Variants in CISD2 observed in about 807,000 individuals in gnomAD.
The protein encoded by CISD2 is CDGSH iron sulfur domain 2.
CISD2 carries 1 observed loss-of-function variant against 12.9 expected under a neutral mutation model. The observed-to-expected ratio is 0.08, with a 90% confidence interval of 0.03 to 0.37. The LOEUF is 0.37. Ranked by LOEUF, CISD2 falls within the 10% of genes least tolerant of loss-of-function variation. The pLI is 0.99. For synonymous variants in CISD2, 50 were observed against 60.6 expected (o/e 0.83, Z 0.81); for missense variants, 97 against 163.1 (o/e 0.59, Z 2.21).
intron 1 of CISD2, among the ~76,000 whole-genome samples, chr4:102,873,463 C>T (rs763902821): frequency 8.6e-5 from 13 of 151,624 alleles, no homozygotes; most frequent in Non-Finnish European, 1.8e-4. Flanking sequence ...ATTTTAGAGA[C>T]GGGGTTTTGC....
intron 1 of CISD2, among the ~76,000 whole-genome samples, chr4:102,884,595 A>G (rs1002250742): frequency 2.0e-5 from 3 of 152,230 alleles, no homozygotes; most frequent in South Asian, 4.1e-4. Context: ...CCCTTAAGAC[A>G]GGCTAGGTAC....
rs1426985286 is a variant in CISD2 at position 102,885,331 on chromosome 4, T to C, written c.219T>C (p.Leu73=). The C allele has an allele frequency of 6.2e-7, 1 of 1,614,040 alleles. No individual in the cohort carries two copies. Among genetic ancestry groups the C allele is most frequent in the Admixed American group, 1.7e-5 (1 of 60,014 alleles). ...AACAGAAGGATAGCTTGATTAATCT[T>C]AAAATACAAAAGGAAAATCCGAAAG... ...KKQQKDSLIN[L]KIQKENPKVV... is the part of the protein sequence containing the mutation. Residue 73 remains leucine, a synonymous_variant, in exon 2 of 3, where the codon CTT becomes CTC. Transcript: ENST00000273986.
Position 102,869,274 on chromosome 4 carries a change from G to C in CISD2, c.103+87G>C. 4 of 1,511,994 alleles carry C rather than the reference G, an allele frequency of 2.6e-6. No individual in the cohort carries two copies. In the Middle Eastern group the frequency reaches 5.1e-4, roughly 191 times the overall value. 93.7% of individuals were successfully genotyped at this position (1,511,994 alleles called of 1,614,324 possible). A position where few individuals can be genotyped will look rare whatever the true frequency, so the allele number is the denominator to read the frequency against. ...GTAAAAATCCTAGGGCCAAGGGGCGGGACGGAGCTCGGCGCCTGGCACGTG... is the reference window on the plus strand; with the variant it reads ...GTAAAAATCCTAGGGCCAAGGGGCGCGACGGAGCTCGGCGCCTGGCACGTG... On this transcript the variant is annotated intron_variant, in intron 1 of 2. Transcript: ENST00000273986.
intron 1 of CISD2, among the ~76,000 whole-genome samples, chr4:102,872,224 A>G (rs1733473436): frequency 6.6e-6 from 1 of 152,032 alleles, no homozygotes; most frequent in Non-Finnish European, 1.5e-5. Context: ...ATGTGCCACC[A>G]TGCCTGGCTA....
At chr4:102,872,687 A>T (rs572630600) in intron 1 of CISD2, among the ~76,000 whole-genome samples, 1 of 146,812 alleles carries the variant, frequency 6.8e-6, no homozygotes, top group African/African-American at 2.7e-5. Flanking sequence ...AGCTATTATT[A>T]AAAAATGTTT....
chr4:102,881,186 T>C (rs1290319441), intron 1 of CISD2, among the ~76,000 whole-genome samples: 3 of 152,110 alleles, frequency 2.0e-5, no homozygotes, highest in East Asian at 1.9e-4. Context: ...TCAGCCTTAA[T>C]TGACAGAGAA....
In CISD2 at chr4:102,888,931, A is replaced by G. The variant is rs2110406341; in HGVS notation, c.*1501A>G. 1 of 152,378 alleles carries G rather than the reference A, an allele frequency of 6.6e-6. No homozygotes were observed. The highest frequency in any genetic ancestry group is 6.5e-5 in the Admixed American group (1 of 15,300). 9.4% of individuals were successfully genotyped at this position (152,378 alleles called of 1,614,324 possible). Reference sequence around the variant, plus strand: ...CTTTAGTCTATTTAAGATACAGTTTATTCAGTTCACTTTGCTTTCTTTTTA... The same window carrying G: ...CTTTAGTCTATTTAAGATACAGTTTGTTCAGTTCACTTTGCTTTCTTTTTA... On this transcript the variant is annotated 3_prime_UTR_variant, in exon 3 of 3. Transcript: ENST00000273986.
intron 1 of CISD2, among the ~76,000 whole-genome samples, chr4:102,881,285 T>C (rs1578312898): frequency 1.3e-5 from 2 of 152,058 alleles, no homozygotes; most frequent in Middle Eastern, 6.8e-3. Flanking sequence ...CCAGGAAGGG[T>C]AGGGAGGGAG....
chr4:102,881,569 T>C (rs889869042), intron 1 of CISD2, among the ~76,000 whole-genome samples: 14 of 152,226 alleles, frequency 9.2e-5, no homozygotes, highest in African/African-American at 3.1e-4. Flanking sequence ...TTATTATGTA[T>C]CAGTACAAAA....
At chr4:102,878,531 T>C (rs556450855) in intron 1 of CISD2, among the ~76,000 whole-genome samples, 17 of 152,332 alleles carry the variant, frequency 1.1e-4, no homozygotes, top group Non-Finnish European at 1.0e-4. Flanking sequence ...CATCTCTCTC[T>C]CAAGTTTCAT....
chr4:102,870,416 C>T (rs987457353), intron 1 of CISD2, among the ~76,000 whole-genome samples: 10 of 151,686 alleles, frequency 6.6e-5, no homozygotes, highest in African/African-American at 2.4e-4. Flanking sequence ...GGTGGGTGGT[C>T]GATAGATTTA....
rs1037079994 is a variant in CISD2 at position 102,888,915 on chromosome 4, A to G, written c.*1485A>G. ...AAATACAAAAGCTTTTCTTTAGTCT[A>G]TTTAAGATACAGTTTATTCAGTTCA... On this transcript the variant is annotated 3_prime_UTR_variant, in exon 3 of 3. Coordinates refer to ENST00000273986, the MANE Select transcript of CISD2 (RefSeq NM_001008388.5). 6.6e-5 allele frequency: 10 copies of G among 152,252 alleles called. No homozygotes were observed. Among genetic ancestry groups the G allele is most frequent in the South Asian group, 2.1e-4 (1 of 4,834 alleles). The allele number at this position is 152,252 out of a possible 1,614,324, so 9.4% of individuals were successfully genotyped here. A position where few individuals can be genotyped will look rare whatever the true frequency, so the allele number is the denominator to read the frequency against.
Position 102,886,619 on chromosome 4 carries a change from T to C in CISD2, c.319-722T>C, listed in dbSNP as rs548615401. On this transcript the variant is annotated intron_variant, in intron 2 of 2. Coordinates refer to ENST00000273986, the MANE Select transcript of CISD2 (RefSeq NM_001008388.5). Reference sequence around the variant, plus strand: ...TTAAAATTTATTTTTATTTATTCTTTATTTATTTTTGCGGGGGACAGAGTC... The same window carrying C: ...TTAAAATTTATTTTTATTTATTCTTCATTTATTTTTGCGGGGGACAGAGTC... Among the ~76,000 whole-genome samples, 10 of 152,290 alleles carry C rather than the reference T, an allele frequency of 6.6e-5. No homozygotes were observed. The South Asian group carries it at 1.7e-3, about 25-fold the overall frequency.
chr4:102,873,686 G>T (rs1337594892), intron 1 of CISD2, among the ~76,000 whole-genome samples: 1 of 143,936 alleles, frequency 6.9e-6, no homozygotes, highest in East Asian at 2.0e-4. Flanking sequence ...TGCTTGAGTC[G>T]TGGCACTACA....
chr4:102,885,477 T>C (rs1305214775), intron 2 of CISD2, 47 bp downstream of exon 2: 3 of 1,424,732 alleles, frequency 2.1e-6, no homozygotes, highest in East Asian at 4.6e-5. Context: ...AGTGCTAGGA[T>C]TGTTTCGCCT....
In CISD2 at chr4:102,888,037, T is replaced by G. The variant is rs1163408780; in HGVS notation, c.*607T>G. ...TTACAGTATAAAAGATTTGTTTACT[T>G]TACAAAAGGCTTGTGTCTGTGTGTG... On this transcript the variant is annotated 3_prime_UTR_variant, in exon 3 of 3. Transcript: ENST00000273986. The G allele has an allele frequency of 6.7e-6, 1 of 148,674 alleles. No individual in the cohort carries two copies. The highest frequency in any genetic ancestry group is 1.5e-5 in the Non-Finnish European group (1 of 68,028). 9.2% of individuals were successfully genotyped at this position (148,674 alleles called of 1,614,324 possible).
intron 1 of CISD2, among the ~76,000 whole-genome samples, chr4:102,882,376 C>T (rs1480364250): frequency 6.6e-6 from 1 of 152,078 alleles, no homozygotes; most frequent in East Asian, 1.9e-4. Context: ...CAATTGCAAG[C>T]TAAGATAATT....
rs1734244741 is a variant in CISD2, at chr4:102,891,436, A to C, written c.*4006A>C. The C allele has an allele frequency of 6.6e-6, 1 of 152,258 alleles. No homozygotes were observed. The highest frequency in any genetic ancestry group is 1.5e-5 in the Non-Finnish European group (1 of 68,048). 9.4% of individuals were successfully genotyped at this position (152,258 alleles called of 1,614,324 possible). On this transcript the variant is annotated 3_prime_UTR_variant, in exon 3 of 3. Coordinates refer to ENST00000273986, the MANE Select transcript of CISD2 (RefSeq NM_001008388.5). ...CTTGAGACAATTTATAGGATTCTGC[A>C]TACAACTGTCTCTGAGGACATCACT...
At chr4:102,883,276 A>G (rs1257371560) in intron 1 of CISD2, among the ~76,000 whole-genome samples, 1 of 152,114 alleles carries the variant, frequency 6.6e-6, no homozygotes, top group Non-Finnish European at 1.5e-5. Context: ...CTCCTGCCCT[A>G]AGTCACCCCA....
Sources: gnomAD v4.1 joint callset for allele counts (sites outside exome capture counted in the v4.1 genomes callset) on GRCh38, gnomAD v4.1.1 for gene constraint, MANE v1.5 for transcripts, NCBI Gene and HGNC (gene_info 2026-07-23, HGNC 2026-07-21) for gene names.